GPC5: variants seen among roughly 807,000 people sequenced by gnomAD.
GPC5 encodes the protein glypican-5.
A neutral mutation model predicts 53.9 loss-of-function variants in GPC5; 47 were observed. That is an observed-to-expected ratio of 0.87 (90% CI 0.69 to 1.11). The LOEUF is 1.11. GPC5 is among the 50% of genes most tolerant of loss of function. The pLI is 0.00. For missense variants in GPC5, 748 were observed against 713.1 expected (o/e 1.05, Z -0.56); for synonymous variants, 286 against 263.3 (o/e 1.09, Z -0.84).
At chr13:92,181,312 C>T (rs2042145389) in intron 7 of GPC5, among the ~76,000 whole-genome samples, 1 of 152,102 alleles carries the variant, frequency 6.6e-6, no homozygotes, top group South Asian at 2.1e-4. Flanking sequence ...TAAAGTAAAC[C>T]CAAACAAGGT....
intron 7 of GPC5, among the ~76,000 whole-genome samples, chr13:92,761,568 G>C (rs1875177098): frequency 6.6e-6 from 1 of 152,086 alleles, no homozygotes; most frequent in African/African-American, 2.4e-5. Context: ...GATTTGCATG[G>C]AGTATCTTCC....
intron 2 of GPC5, among the ~76,000 whole-genome samples, chr13:91,534,699 A>C (rs1423309196): frequency 6.6e-6 from 1 of 152,186 alleles, no homozygotes; most frequent in South Asian, 2.1e-4. Flanking sequence ...TTTTTTGACC[A>C]CACTCATTAA....
chr13:92,344,086 C>CCTTG (rs57092777), intron 7 of GPC5, among the ~76,000 whole-genome samples: 1 of 122,580 alleles, frequency 8.2e-6, no homozygotes, highest in Non-Finnish European at 1.8e-5. Context: ...TCTAAGGTTT[C>CCTTG]TAGAAATACC....
chr13:92,410,229 G>T (rs769351227), intron 7 of GPC5, among the ~76,000 whole-genome samples: 9 of 152,126 alleles, frequency 5.9e-5, no homozygotes, highest in Non-Finnish European at 1.0e-4. Context: ...TAATTTTCAG[G>T]CTGGGCAGTA....
intron 7 of GPC5, among the ~76,000 whole-genome samples, chr13:92,332,632 A>G (rs142780219): frequency 1.3e-5 from 2 of 152,352 alleles, no homozygotes; most frequent in East Asian, 3.9e-4. Context: ...GTTAATATAG[A>G]TAACATAAAT....
chr13:92,411,599 C>T (rs1257571684), intron 7 of GPC5, among the ~76,000 whole-genome samples: 4 of 152,252 alleles, frequency 2.6e-5, no homozygotes, highest in East Asian at 1.9e-4. Context: ...AAGATAATCA[C>T]GTTGCAATGT....
chr13:92,204,793 G>A (rs914468156), intron 7 of GPC5, among the ~76,000 whole-genome samples: 4 of 152,222 alleles, frequency 2.6e-5, no homozygotes, highest in African/African-American at 9.6e-5. Context: ...AACAATGTGT[G>A]ACAAAACACA....
intron 7 of GPC5, among the ~76,000 whole-genome samples, chr13:92,816,789 C>T (rs200647225): frequency 6.6e-6 from 1 of 151,962 alleles, no homozygotes; most frequent in African/African-American, 2.4e-5. Flanking sequence ...TCCTGGTTTC[C>T]TCTTCTCTAA....
chr13:91,600,831 C>A (rs2033158751), intron 2 of GPC5, among the ~76,000 whole-genome samples: 1 of 152,074 alleles, frequency 6.6e-6, no homozygotes, highest in African/African-American at 2.4e-5. Context: ...GATTTAATGT[C>A]TGATTTTAAT....
At chr13:92,663,596 TA>T (rs1886425282) in intron 7 of GPC5, among the ~76,000 whole-genome samples, 1 of 83,508 alleles carries the variant, frequency 1.2e-5, no homozygotes, top group Non-Finnish European at 3.0e-5. Context: ...TATATATATC[TA>T]CTATATATAT....
In GPC5 at chr13:92,725,118, A is replaced by C. The variant is rs534727450; in HGVS notation, c.1562-141164A>C. Among the ~76,000 whole-genome samples the C allele has an allele frequency of 2.0e-5, 3 of 151,598 alleles. No individual in the cohort carries two copies. In the East Asian group the frequency reaches 5.8e-4, roughly 29 times the overall value. ...ATCTACCGTTTTCTCATCTTCCTAA[A>C]TTTGGTATTTAGATACTGAATTTTA... On this transcript the variant is annotated intron_variant, in intron 7 of 7. Transcript: ENST00000377067.
At chr13:92,709,995 A>C (rs1010435204) in intron 7 of GPC5, among the ~76,000 whole-genome samples, 1 of 152,200 alleles carries the variant, frequency 6.6e-6, no homozygotes, top group African/African-American at 2.4e-5. Flanking sequence ...GTGGCTCTCC[A>C]ACAATGCTAG....
At chr13:92,459,458 A>G (rs930853781) in intron 7 of GPC5, among the ~76,000 whole-genome samples, 2 of 152,200 alleles carry the variant, frequency 1.3e-5, no homozygotes, top group Non-Finnish European at 2.9e-5. Context: ...GTCAAATCCA[A>G]TAAGTGACAG....
At chr13:92,548,636 C>T (rs4238304) in intron 7 of GPC5, among the ~76,000 whole-genome samples, 65,400 of 151,734 alleles carry the variant, frequency 0.43, 14,828 homozygotes, top group African/African-American at 0.57. Flanking sequence ...CAAATTTTTA[C>T]GTGAAAAAGT....
At chr13:92,324,515 G>C (rs917058202) in intron 7 of GPC5, among the ~76,000 whole-genome samples, 1 of 151,908 alleles carries the variant, frequency 6.6e-6, no homozygotes, top group African/African-American at 2.4e-5. Context: ...TAATGCCTGA[G>C]AGTATCTTAA....
intron 7 of GPC5, among the ~76,000 whole-genome samples, chr13:92,499,126 T>C (rs1479144304): frequency 6.6e-6 from 1 of 152,078 alleles, no homozygotes; most frequent in South Asian, 2.1e-4. Context: ...GATGTAAGAA[T>C]AGGACTCATA....
intron 7 of GPC5, among the ~76,000 whole-genome samples, chr13:92,847,737 T>C (rs1951503931): frequency 6.6e-6 from 1 of 152,244 alleles, no homozygotes; most frequent in Middle Eastern, 3.4e-3. Context: ...ATTTGTTTTT[T>C]GTATATAGCT....
intron 5 of GPC5, among the ~76,000 whole-genome samples, chr13:91,897,828 C>G (rs1163575370): frequency 6.6e-6 from 1 of 152,122 alleles, no homozygotes; most frequent in African/African-American, 2.4e-5. Context: ...AGTGCTCCCC[C>G]ATATTTCTAT....
At chr13:91,514,606 C>T (rs776193673) in intron 2 of GPC5, among the ~76,000 whole-genome samples, 2 of 151,964 alleles carry the variant, frequency 1.3e-5, no homozygotes, top group Admixed American at 6.6e-5. Flanking sequence ...AAAAAAAATC[C>T]ATCTAGGAAG....
Sources: allele counts gnomAD v4.1 joint callset (sites outside exome capture counted in the v4.1 genomes callset), GRCh38; gene constraint gnomAD v4.1.1; transcripts MANE v1.5; gene names NCBI Gene and HGNC (gene_info 2026-07-23, HGNC 2026-07-21).